Variants in C2CD2L observed in about 807,000 individuals in gnomAD.
C2CD2L encodes the protein phospholipid transfer protein C2CD2L.
In C2CD2L, 24 loss-of-function variants were observed where a neutral mutation model predicts 69.9. That is an observed-to-expected ratio of 0.34 (90% confidence interval 0.25 to 0.48). C2CD2L has a LOEUF of 0.48. Ranked by LOEUF, C2CD2L falls within the 20% of genes least tolerant of loss-of-function variation. The probability of loss-of-function intolerance (pLI) is 0.99; values close to 1 mark genes in which losing one functional copy is unlikely to be tolerated. For missense variants in C2CD2L, 811 were observed against 941.5 expected (o/e 0.86, Z 1.81); for synonymous variants, 367 against 391.0 (o/e 0.94, Z 0.72).
rs768428400 is a variant in C2CD2L at position 119,111,317 on chromosome 11, C to T, written c.853C>T (p.Pro285Ser). Reference protein sequence around the residue: ...MPQAQPAIPRPNRLFLRQLRA... With the variant: ...MPQAQPAIPRSNRLFLRQLRA... ...CCAGGCTCAGCCAGCCATCCCCAGA[C>T]CTAACCGGTTATTCCTACGGCAGCT... Residue 285 changes from proline (P) to serine (S), a missense_variant, in exon 6 of 14, where the codon CCT becomes TCT. Pro to Ser is a moderately conservative substitution (Grantham distance 74). Transcript: ENST00000648610. The T allele has an allele frequency of 6.2e-7, 1 of 1,614,230 alleles. No individual in the cohort carries two copies. The highest frequency in any genetic ancestry group is 1.1e-5 in the South Asian group (1 of 91,090).
rs368222650 is a variant in C2CD2L, at chr11:119,112,917, C to G, written c.1387+43C>G. 6.4e-6 allele frequency: 10 copies of G among 1,561,442 alleles called. No homozygotes were observed. In the Admixed American group the frequency reaches 1.4e-4, roughly 22 times the overall value. ...GGGAGCCCAGCTCTAGCCAGGGGCC[C>G]GGGACTGCAGACCCAAGGCAGGACA... On this transcript the variant is annotated intron_variant, in intron 10 of 13. Coordinates refer to ENST00000648610, the MANE Select transcript of C2CD2L (RefSeq NM_001290474.2).
chr11:119,102,449 T>A (rs1301029960), upstream of C2CD2L: 3 of 393,430 alleles, frequency 7.6e-6, no homozygotes, highest in African/African-American at 6.3e-5. Flanking sequence ...CGTAGATCCT[T>A]GAAAAGCCCC....
chr11:119,115,693 TC>T, intron 13 of C2CD2L: 1 of 405,026 alleles, frequency 2.5e-6, no homozygotes, highest in East Asian at 3.7e-5. Flanking sequence ...GCTTTTGTCT[TC>T]CCATAGGAAA....
chr11:119,107,985 G>A lies in C2CD2L; in HGVS notation c.244G>A (p.Glu82Lys), dbSNP rs367965771. 49 of 1,563,106 alleles carry A rather than the reference G, an allele frequency of 3.1e-5. No homozygotes were observed. In the African/African-American group the frequency reaches 6.5e-4, roughly 21 times the overall value. ...LRATRAGAAE[E>K]PGVRGLLASL... The stretch of plus-strand genomic sequence containing the variant: ...GGCGACTCGGGCTGGCGCCGCCGAG[G>A]AGCCAGGAGTCCGGGGCCTCCTGGC... The change falls in exon 1 of 14, where the codon GAG becomes AAG. Residue 82 changes from glutamate (E) to lysine (K), a missense_variant. By Grantham distance (56) the Glu-to-Lys change is moderately conservative (BLOSUM62 1). Transcript: ENST00000648610. This position sits in a 1 kb window ranked among gnomAD's most constrained non-coding sequence, Gnocchi z 5.4.
chr11:119,115,387 A>G (rs1201746729), intron 13 of C2CD2L: 1 of 152,362 alleles, frequency 6.6e-6, no homozygotes, highest in Non-Finnish European at 1.5e-5. Context: ...TAGTTCTTCT[A>G]ACTTTAAAAG....
At chr11:119,105,623 G>T (rs1328558906), upstream of C2CD2L, among the ~76,000 whole-genome samples, 1 of 145,508 alleles carries the variant, frequency 6.9e-6, no homozygotes, top group Non-Finnish European at 1.5e-5. Context: ...CTGGGCAACA[G>T]TGACTTTCTG....
chr11:119,110,007 G>A lies in C2CD2L; in HGVS notation c.355-97G>A. ...GGCCAGAAGCCAGCCTGCAGCTGAGGCCTCCGCAGTGGCAGAGTCCAGCCA... is the reference window on the plus strand; with the variant it reads ...GGCCAGAAGCCAGCCTGCAGCTGAGACCTCCGCAGTGGCAGAGTCCAGCCA... On this transcript the variant is annotated intron_variant, in intron 1 of 13. Coordinates refer to ENST00000648610, the MANE Select transcript of C2CD2L (RefSeq NM_001290474.2). The surrounding 1 kb of genome is among the most constrained non-coding windows in gnomAD (Gnocchi z 5.7). The A allele has an allele frequency of 1.2e-6, 1 of 860,574 alleles. No homozygotes were observed. The allele number at this position is 860,574 out of a possible 1,614,324, so 53.3% of individuals were successfully genotyped here. A position where few individuals can be genotyped will look rare whatever the true frequency, so the allele number is the denominator to read the frequency against.
Position 119,110,514 on chromosome 11 carries a change from A to G in C2CD2L, c.451-47A>G, listed in dbSNP as rs768255307. 8 of 1,587,402 alleles carry G rather than the reference A, an allele frequency of 5.0e-6. No individual in the cohort carries two copies. In the Admixed American group the frequency reaches 1.4e-4, roughly 27 times the overall value. On this transcript the variant is annotated intron_variant, in intron 2 of 13. Coordinates refer to ENST00000648610, the MANE Select transcript of C2CD2L (RefSeq NM_001290474.2). The surrounding 1 kb of genome is among the most constrained non-coding windows in gnomAD (Gnocchi z 5.7). ...GAACTATTACAGGGCAGTTCAAAGC[A>G]GGGTGAGCACCCTTCCCCCACATCT... is the stretch of plus-strand genomic sequence containing the variant.
At chr11:119,106,598 T>C (rs1000088629), upstream of C2CD2L, 4 of 152,144 alleles carry the variant, frequency 2.6e-5, no homozygotes, top group African/African-American at 9.7e-5. Flanking sequence ...AGTGGCAAGG[T>C]CTTGTGGCTG....
At chr11:119,112,260 G>A in intron 7 of C2CD2L, 68 bp from the exon 8 acceptor site, 1 of 1,385,752 alleles carries the variant, frequency 7.2e-7, no homozygotes, top group South Asian at 1.2e-5. Flanking sequence ...TCTGGCCTGT[G>A]ATCCACTCAA....
Position 119,110,099 on chromosome 11 carries a change from C to G in C2CD2L, c.355-5C>G, listed in dbSNP as rs775210703. On this transcript the variant is annotated splice_region_variant and splice_polypyrimidine_tract_variant and intron_variant, in intron 1 of 13. Transcript: ENST00000648610. This position sits in a 1 kb window ranked among gnomAD's most constrained non-coding sequence, Gnocchi z 5.7. Reference sequence around the variant, plus strand: ...CCTGATCCAATGCCCACATTACTCCCTCAGAGCTCCATCCAAATCGCCTTT... The same window carrying G: ...CCTGATCCAATGCCCACATTACTCCGTCAGAGCTCCATCCAAATCGCCTTT... The G allele has an allele frequency of 6.2e-7, 1 of 1,608,888 alleles. No individual in the cohort carries two copies. The highest frequency in any genetic ancestry group is 8.5e-7 in the Non-Finnish European group (1 of 1,175,236).
chr11:119,112,411 G>A lies in C2CD2L; in HGVS notation c.1084+19G>A. ...GGAGACAGTAAGTGAGGGGTGGGAG[G>A]GGCACCCCTGGGTGGGTACAGAGTG... On this transcript the variant is annotated intron_variant, in intron 8 of 13. Transcript: ENST00000648610. 3.7e-6 allele frequency: 6 copies of A among 1,613,458 alleles called. No homozygotes were observed. The highest frequency in any genetic ancestry group is 5.1e-6 in the Non-Finnish European group (6 of 1,179,546).
rs1170219747 is a variant in C2CD2L, at chr11:119,108,054, G to T, written c.313G>T (p.Ala105Ser). The T allele has an allele frequency of 6.2e-7, 1 of 1,600,246 alleles. No individual in the cohort carries two copies. Among genetic ancestry groups the T allele is most frequent in the Non-Finnish European group, 8.5e-7 (1 of 1,174,634 alleles). ...FKSFRENWQR[A>S]WVRALNEQAC... ...GTCTTTCCGGGAGAACTGGCAGCGG[G>T]CTTGGGTGCGAGCGCTGAACGAGCA... The change falls in exon 1 of 14, where the codon GCT becomes TCT. Residue 105 changes from alanine to serine, a missense_variant. Ala to Ser is a moderately conservative substitution (Grantham distance 99). Transcript: ENST00000648610.
chr11:119,115,849 G>A (rs888351705), intron 13 of C2CD2L, 196 bp from the exon 14 acceptor site: 2 of 597,802 alleles, frequency 3.3e-6, no homozygotes, highest in Non-Finnish European at 3.0e-6. Context: ...TTCTGCTTTC[G>A]TTTTCTTTTT....
chr11:119,110,231 G>A lies in C2CD2L; in HGVS notation c.450+32G>A. ...GTCTGATGGGCACTGCCCTCTTTGG[G>A]GTCCAAGAAGGACTGACCCCAAGGG... is the stretch of plus-strand genomic sequence containing the variant. On this transcript the variant is annotated intron_variant, in intron 2 of 13. Transcript: ENST00000648610. The surrounding 1 kb of genome is among the most constrained non-coding windows in gnomAD (Gnocchi z 5.7). 6.7e-7 allele frequency: 1 copy of A among 1,502,228 alleles called. No individual in the cohort carries two copies. The highest frequency in any genetic ancestry group is 9.3e-7 in the Non-Finnish European group (1 of 1,078,168). 93.1% of individuals were successfully genotyped at this position (1,502,228 alleles called of 1,614,324 possible). A position where few individuals can be genotyped will look rare whatever the true frequency, so the allele number is the denominator to read the frequency against.
At chr11:119,106,842 A>G (rs971146904), upstream of C2CD2L, 3 of 152,244 alleles carry the variant, frequency 2.0e-5, no homozygotes, top group Non-Finnish European at 4.4e-5. Context: ...GGGGAATTCA[A>G]ATTCGGTGTT....
intron 1 of C2CD2L, among the ~76,000 whole-genome samples, chr11:119,108,851 T>C (rs949946607): frequency 2.0e-5 from 3 of 152,328 alleles, no homozygotes; most frequent in Admixed American, 1.3e-4. Flanking sequence ...CTCTCCTTGC[T>C]CTCACAGTCC....
In C2CD2L at chr11:119,117,985, T is replaced by C. The variant is rs1946932644; in HGVS notation, c.*1729T>C. The C allele has an allele frequency of 6.6e-6, 1 of 152,184 alleles. No homozygotes were observed. Among genetic ancestry groups the C allele is most frequent in the South Asian group, 2.1e-4 (1 of 4,826 alleles). 9.4% of individuals were successfully genotyped at this position (152,184 alleles called of 1,614,324 possible). Reference sequence around the variant, plus strand: ...TTTAGGGCACATGCCTTTGGGTAGATAGCATGTGGAAATTGTTACTATTCC... The same window carrying C: ...TTTAGGGCACATGCCTTTGGGTAGACAGCATGTGGAAATTGTTACTATTCC... On this transcript the variant is annotated 3_prime_UTR_variant, in exon 14 of 14. Transcript: ENST00000648610.
chr11:119,102,729 C>A (rs1024276674), upstream of C2CD2L, among the ~76,000 whole-genome samples: 14 of 152,074 alleles, frequency 9.2e-5, no homozygotes, highest in Non-Finnish European at 1.8e-4. Context: ...AGACCCACAA[C>A]TGATTTCCTG....
Sources: gnomAD v4.1 joint callset for allele counts (sites outside exome capture counted in the v4.1 genomes callset) on GRCh38, gnomAD v4.1.1 for gene constraint, Gnocchi (gnomAD v3.1) non-coding constraint, MANE v1.5 for transcripts, NCBI Gene and HGNC (gene_info 2026-07-23, HGNC 2026-07-21) for gene names.